The following ZNF646 variants were observed in gnomAD, a reference collection of about 807,000 sequenced individuals.
ZNF646 encodes the protein zinc finger protein 646.
A neutral mutation model predicts 115.4 loss-of-function variants in ZNF646; 49 were observed. That is an observed-to-expected ratio of 0.42 (90% confidence interval 0.34 to 0.54). The LOEUF is 0.54. ZNF646 is among the 20% of genes least tolerant of loss of function. The pLI, the probability that ZNF646 is intolerant of heterozygous loss-of-function variation, is 0.04. For synonymous variants in ZNF646, 933 were observed against 939.0 expected (o/e 0.99, Z 0.12); for missense variants, 2,269 against 2,457.9 (o/e 0.92, Z 1.62).
Position 31,079,619 on chromosome 16 carries a change from C to T in ZNF646, c.3295C>T (p.Arg1099Trp), listed in dbSNP as rs2057127449. The change falls in exon 2 of 3, where the codon CGG becomes TGG. Residue 1099 changes from arginine (R) to tryptophan (W), a missense_variant. This residue lies in a region of ZNF646 where 1,062 missense variants were observed against 1,172.8 expected (regional missense o/e 0.91). Transcript: ENST00000300850. The surrounding 1 kb of genome is among the most constrained non-coding windows in gnomAD (Gnocchi z 5.5). ...CCTGGCTGCCTACCGTAATCATCTG[C>T]GGAACCACCCTCGCTGCAAAGGCTC... ...PNLAAYRNHL[R>W]NHPRCKGSEP... 8 of 1,613,426 alleles carry T rather than the reference C, an allele frequency of 5.0e-6. No individual in the cohort carries two copies. Among genetic ancestry groups the T allele is most frequent in the Non-Finnish European group, 4.2e-6 (5 of 1,180,022 alleles).
In ZNF646 at chr16:31,082,983, C is replaced by A; in HGVS notation, c.5390C>A (p.Ala1797Glu). ...TCTCTCCCCCCAGGAGCCCCAGTGG[C>A]ACCAGTGACGGGCAGAGGGGACTTG... Reference protein sequence around the residue: ...WTVAGSGAPVAPVTGRGDLPL... With the variant: ...WTVAGSGAPVEPVTGRGDLPL... The change falls in exon 3 of 3, where the codon GCA becomes GAA. Residue 1797 changes from alanine (A) to glutamate (E), a missense_variant. Transcript: ENST00000300850. 1 of 1,598,376 alleles carries A rather than the reference C, an allele frequency of 6.3e-7. No individual in the cohort carries two copies.
intron 2 of ZNF646, chr16:31,081,937 A>G: frequency 1.6e-6 from 1 of 622,316 alleles, no homozygotes; most frequent in Non-Finnish European, 2.7e-6. Flanking sequence ...GGGCGTGGTC[A>G]GGCCGAGGCT....
chr16:31,078,467 A>G lies in ZNF646; in HGVS notation c.2143A>G (p.Ser715Gly), dbSNP rs2057108037. The G allele has an allele frequency of 5.7e-6, 9 of 1,588,598 alleles. No individual in the cohort carries two copies. The highest frequency in any genetic ancestry group is 7.7e-6 in the Non-Finnish European group (9 of 1,164,848). ...LESPQDPSGE[S>G]PHGAEGNLES... Reference sequence around the variant, plus strand: ...GTCTCCCCAAGACCCTTCAGGGGAAAGTCCTCATGGGGCTGAAGGCAACCT... The same window carrying G: ...GTCTCCCCAAGACCCTTCAGGGGAAGGTCCTCATGGGGCTGAAGGCAACCT... Residue 715 changes from serine (S) to glycine (G), a missense_variant, in exon 2 of 3, where the codon AGT (serine) becomes GGT (glycine). Ser to Gly is a moderately conservative substitution (Grantham distance 56, BLOSUM62 0). Coordinates refer to ENST00000300850, the MANE Select transcript of ZNF646 (RefSeq NM_014699.4).
In ZNF646 at chr16:31,077,697, C is replaced by T. The variant is rs1234919303; in HGVS notation, c.1373C>T (p.Thr458Ile). The T allele has an allele frequency of 1.2e-6, 2 of 1,613,972 alleles. No individual in the cohort carries two copies. Among genetic ancestry groups the T allele is most frequent in the Non-Finnish European group, 1.7e-6 (2 of 1,179,888 alleles). Residue 458 changes from threonine (T) to isoleucine (I), a missense_variant, in exon 2 of 3, where the codon ACC (threonine) becomes ATC (isoleucine). By Grantham distance (89) the Thr-to-Ile change is moderately conservative. Around this residue, in one of 5 missense-constraint regions of ZNF646, gnomAD observed 852 missense variants for 900.2 expected, o/e 0.95. Transcript: ENST00000300850. The stretch of plus-strand genomic sequence containing the variant: ...CACAAAGAGGAAGAGGACCCCACCA[C>T]CACCCTGGACCATCGGCCCTATAAG... Reference protein sequence around the residue: ...TTHKEEEDPTTTLDHRPYKCS... With the variant: ...TTHKEEEDPTITLDHRPYKCS...
At position 31,081,068 on chromosome 16, in the gene ZNF646, G is replaced by A. The variant is rs746511789; in HGVS notation, c.4744G>A (p.Ala1582Thr). The stretch of plus-strand genomic sequence containing the variant: ...GAGCCACAGCCACAACCACATAGAC[G>A]CCCAGACCTTTGCCTGTCCTGACTG... ...TKSHSHNHID[A>T]QTFACPDCGK... Residue 1582 changes from alanine (A) to threonine (T), a missense_variant, in exon 2 of 3, where the codon GCC (alanine) becomes ACC (threonine). By Grantham distance (58) the Ala-to-Thr change is moderately conservative. Coordinates refer to ENST00000300850, the MANE Select transcript of ZNF646 (RefSeq NM_014699.4). The A allele has an allele frequency of 2.5e-6, 4 of 1,613,782 alleles. No homozygotes were observed. Among genetic ancestry groups the A allele is most frequent in the Middle Eastern group, 1.6e-4 (1 of 6,084 alleles).
rs1335460023 is a variant in ZNF646 at position 31,083,261 on chromosome 16, C to T, written c.*169C>T. The T allele has an allele frequency of 9.0e-6, 10 of 1,111,676 alleles. No homozygotes were observed. In the East Asian group the frequency reaches 1.2e-4, roughly 13 times the overall value. 68.9% of individuals were successfully genotyped at this position (1,111,676 alleles called of 1,614,324 possible). ...CCCAAGGAGGGGGTGGGGTGTTCCT[C>T]GCGTCCCTGTCCTTGAAGGACCTCC... On this transcript the variant is annotated 3_prime_UTR_variant, in exon 3 of 3. Transcript: ENST00000300850.
At position 31,079,949 on chromosome 16, in the gene ZNF646, G is replaced by A. The variant is rs2057132152; in HGVS notation, c.3625G>A (p.Gly1209Ser). The change falls in exon 2 of 3, where the codon GGC (glycine) becomes AGC (serine). Residue 1209 changes from glycine to serine, a missense_variant. Gly to Ser is a moderately conservative substitution (Grantham distance 56, BLOSUM62 0). This residue lies in a region of ZNF646 where 1,062 missense variants were observed against 1,172.8 expected (regional missense o/e 0.91). Transcript: ENST00000300850. The surrounding 1 kb of genome is among the most constrained non-coding windows in gnomAD (Gnocchi z 5.5). ...SERPFSCEVCGRSYKHAGSLI... is the reference protein window; with the variant it reads ...SERPFSCEVCSRSYKHAGSLI... The stretch of plus-strand genomic sequence containing the variant: ...GCGGCCCTTCAGCTGCGAGGTGTGT[G>A]GCCGATCCTACAAGCACGCCGGCAG... 6.2e-7 allele frequency: 1 copy of A among 1,611,460 alleles called. No individual in the cohort carries two copies. The highest frequency in any genetic ancestry group is 2.2e-5 in the East Asian group (1 of 44,830).
At position 31,076,488 on chromosome 16, in the gene ZNF646, G is replaced by C. The variant is rs1438601504; in HGVS notation, c.164G>C (p.Arg55Pro). 6.2e-7 allele frequency: 1 copy of C among 1,613,932 alleles called. No individual in the cohort carries two copies. The change falls in exon 2 of 3, where the codon CGG becomes CCG. Residue 55 changes from arginine to proline, a missense_variant. This residue lies in a region of ZNF646 where 334 missense variants were observed against 323.5 expected (regional missense o/e 1.03). Coordinates refer to ENST00000300850, the MANE Select transcript of ZNF646 (RefSeq NM_014699.4). The part of the protein sequence containing the change: ...PRPYRCQQCG[R>P]GYRHPGSLVN... ...CCCTACCGTTGTCAGCAGTGTGGGC[G>C]GGGCTACCGTCACCCCGGGAGCCTG... is the stretch of plus-strand genomic sequence containing the variant.
Position 31,080,948 on chromosome 16 carries a change from C to CA in ZNF646, c.4625dup (p.Ser1543ValfsTer47). On this transcript the variant is annotated frameshift_variant, in exon 2 of 3. Coordinates refer to ENST00000300850, the MANE Select transcript of ZNF646 (RefSeq NM_014699.4). LOFTEE classifies it high-confidence loss of function. ...CAGCCAGTGTGGCAAGACTTACTGC[C>CA]AGTCAGGCAGCCTCTTGAACCACAA... 6.2e-7 allele frequency: 1 copy of CA among 1,614,150 alleles called. No individual in the cohort carries two copies. The highest frequency in any genetic ancestry group is 8.5e-7 in the Non-Finnish European group (1 of 1,180,036).
In ZNF646 at chr16:31,080,196, A is replaced by C. The variant is rs946919593; in HGVS notation, c.3872A>C (p.Lys1291Thr). The C allele has an allele frequency of 5.6e-6, 9 of 1,608,600 alleles. No individual in the cohort carries two copies. Among genetic ancestry groups the C allele is most frequent in the Admixed American group, 1.7e-5 (1 of 59,782 alleles). The change falls in exon 2 of 3, where the codon AAG (lysine) becomes ACG (threonine). Residue 1291 changes from lysine (K) to threonine (T), a missense_variant. Transcript: ENST00000300850. ...MERRGGGGTR[K>T]ATREDRPFRC... ...CGGCGTGGGGGTGGGGGCACCCGAAAGGCGACTCGGGAAGATCGGCCCTTC... is the reference window on the plus strand; with the variant it reads ...CGGCGTGGGGGTGGGGGCACCCGAACGGCGACTCGGGAAGATCGGCCCTTC...
rs1321224964 is a variant in ZNF646 at position 31,074,494 on chromosome 16, A to ACCTCCTT, written c.-212_-206dup. 1 of 151,476 alleles carries ACCTCCTT rather than the reference A, an allele frequency of 6.6e-6. No individual in the cohort carries two copies. The highest frequency in any genetic ancestry group is 2.4e-5 in the African/African-American group (1 of 41,080). 9.4% of individuals were successfully genotyped at this position (151,476 alleles called of 1,614,324 possible). On this transcript the variant is annotated 5_prime_UTR_variant, in exon 1 of 3. It removes the in-frame stop codon of an upstream open reading frame in the 5' UTR. Coordinates refer to ENST00000300850, the MANE Select transcript of ZNF646 (RefSeq NM_014699.4). Reference sequence around the variant, plus strand: ...ATGCCAGCTGCGCCCTCTTTTCTCTACCTCCTTCCTCTTCCCCCCTTCTCC... The same window carrying ACCTCCTT: ...ATGCCAGCTGCGCCCTCTTTTCTCTACCTCCTTCCTCCTTCCTCTTCCCCCCTTCTCC...
At chr16:31,082,596 T>G (rs1596781545) in intron 2 of ZNF646, 4 of 251,186 alleles carry the variant, frequency 1.6e-5, no homozygotes, top group Non-Finnish European at 3.3e-5. Context: ...GGGCGGCCGG[T>G]TCCCTCAGCA....
intron 2 of ZNF646, 191 bp downstream of exon 2, chr16:31,081,892 A>G (rs2057166750): frequency 2.0e-6 from 2 of 996,368 alleles, no homozygotes; most frequent in Non-Finnish European, 2.9e-6. Context: ...CAAGTCAGGT[A>G]TAACAAATAG....
At position 31,079,508 on chromosome 16, in the gene ZNF646, C is replaced by T. The variant is rs774128199; in HGVS notation, c.3184C>T (p.Arg1062Cys). The T allele has an allele frequency of 3.1e-6, 5 of 1,613,646 alleles. No homozygotes were observed. The highest frequency in any genetic ancestry group is 2.2e-5 in the East Asian group (1 of 44,882). ...FRCNQCGKTY[R>C]HGGSLVNHRK... ...CTGCAACCAGTGTGGCAAGACCTAT[C>T]GCCATGGGGGCAGCCTGGTGAACCA... Residue 1062 changes from arginine to cysteine, a missense_variant, in exon 2 of 3, where the codon CGC (arginine) becomes TGC (cysteine). By Grantham distance (180) the Arg-to-Cys change is radical. Coordinates refer to ENST00000300850, the MANE Select transcript of ZNF646 (RefSeq NM_014699.4). This position sits in a 1 kb window ranked among gnomAD's most constrained non-coding sequence, Gnocchi z 5.5.
rs1596777736 is a variant in ZNF646 at position 31,081,054 on chromosome 16, A to G, written c.4730A>G (p.His1577Arg). The change falls in exon 2 of 3, where the codon CAC becomes CGC. Residue 1577 changes from histidine (H) to arginine (R), a missense_variant. By Grantham distance (29) the His-to-Arg change is conservative. Coordinates refer to ENST00000300850, the MANE Select transcript of ZNF646 (RefSeq NM_014699.4). ...LNPVATKSHS[H>R]NHIDAQTFAC... is the part of the protein sequence containing the mutation. ...CCTGTGGCCACAAAGAGCCACAGCCACAACCACATAGACGCCCAGACCTTT... is the reference window on the plus strand; with the variant it reads ...CCTGTGGCCACAAAGAGCCACAGCCGCAACCACATAGACGCCCAGACCTTT... 1 of 1,613,904 alleles carries G rather than the reference A, an allele frequency of 6.2e-7. No homozygotes were observed. Among genetic ancestry groups the G allele is most frequent in the Non-Finnish European group, 8.5e-7 (1 of 1,180,010 alleles).
At position 31,080,980 on chromosome 16, in the gene ZNF646, C is replaced by G; in HGVS notation, c.4656C>G (p.Asn1552Lys). Residue 1552 changes from asparagine to lysine, a missense_variant, in exon 2 of 3, where the codon AAC (asparagine) becomes AAG (lysine). By Grantham distance (94) the Asn-to-Lys change is moderately conservative (BLOSUM62 0). This residue lies in a region of ZNF646 where 1,062 missense variants were observed against 1,172.8 expected (regional missense o/e 0.91). Transcript: ENST00000300850. Reference protein sequence around the residue: ...QSGSLLNHNTNKTDRHYCLLC... With the variant: ...QSGSLLNHNTKKTDRHYCLLC... ...GCAGCCTCTTGAACCACAACACCAACAAGACAGACCGACACTATTGCCTGC... is the reference window on the plus strand; with the variant it reads ...GCAGCCTCTTGAACCACAACACCAAGAAGACAGACCGACACTATTGCCTGC... 6.2e-7 allele frequency: 1 copy of G among 1,614,140 alleles called. No homozygotes were observed. Among genetic ancestry groups the G allele is most frequent in the South Asian group, 1.1e-5 (1 of 91,090 alleles).
At position 31,081,015 on chromosome 16, in the gene ZNF646, A is replaced by C. The variant is rs770412386; in HGVS notation, c.4691A>C (p.Lys1564Thr). ...CGACACTATTGCCTGCTCTGCTCCA[A>C]GGAGTTCTTAAATCCTGTGGCCACA... ...TDRHYCLLCS[K>T]EFLNPVATKS... Residue 1564 changes from lysine to threonine, a missense_variant, in exon 2 of 3, where the codon AAG becomes ACG. By Grantham distance (78) the Lys-to-Thr change is moderately conservative. Transcript: ENST00000300850. The C allele has an allele frequency of 6.2e-7, 1 of 1,613,964 alleles. No individual in the cohort carries two copies. Among genetic ancestry groups the C allele is most frequent in the Non-Finnish European group, 8.5e-7 (1 of 1,180,030 alleles).
chr16:31,080,048 C>T lies in ZNF646; in HGVS notation c.3724C>T (p.Leu1242Phe), dbSNP rs775091381. Reference sequence around the variant, plus strand: ...GGCCTGCTCCAAGGGCTTCTCAAACCTCATGTCCCTCAAGAACCACCGGCG... The same window carrying T: ...GGCCTGCTCCAAGGGCTTCTCAAACTTCATGTCCCTCAAGAACCACCGGCG... Reference protein sequence around the residue: ...CQACSKGFSNLMSLKNHRRIH... With the variant: ...CQACSKGFSNFMSLKNHRRIH... The change falls in exon 2 of 3, where the codon CTC (leucine) becomes TTC (phenylalanine). Residue 1242 changes from leucine (L) to phenylalanine (F), a missense_variant. Around this residue, in one of 5 missense-constraint regions of ZNF646, gnomAD observed 1,062 missense variants for 1,172.8 expected, o/e 0.91. Coordinates refer to ENST00000300850, the MANE Select transcript of ZNF646 (RefSeq NM_014699.4). The T allele has an allele frequency of 7.4e-6, 12 of 1,610,922 alleles. No homozygotes were observed. Among genetic ancestry groups the T allele is most frequent in the Non-Finnish European group, 9.3e-6 (11 of 1,178,156 alleles).
chr16:31,081,691 G>T lies in ZNF646; in HGVS notation c.5367G>T (p.Val1789=). ...AGCAGCACCAGGAGGAGTGGACGGT[G>T]GCCGGCTCCGGTAGGGGGCATGAAG... is the stretch of plus-strand genomic sequence containing the variant. The part of the protein sequence containing the change: ...HQQQHQEEWT[V]AGSGAPVAPV... Residue 1789 remains valine (V), a synonymous_variant, in exon 2 of 3, where the codon GTG becomes GTT. Coordinates refer to ENST00000300850, the MANE Select transcript of ZNF646 (RefSeq NM_014699.4). 2.5e-6 allele frequency: 4 copies of T among 1,584,854 alleles called. No individual in the cohort carries two copies. The highest frequency in any genetic ancestry group is 3.4e-6 in the Non-Finnish European group (4 of 1,163,388).
Sources: gnomAD v4.1 joint callset for allele counts on GRCh38, gnomAD v4.1.1 for gene constraint, gnomAD v4.1.1 regional missense constraint, Gnocchi (gnomAD v3.1) non-coding constraint, MANE v1.5 for transcripts, NCBI Gene and HGNC (gene_info 2026-07-23, HGNC 2026-07-21) for gene names.